Variants in OSBPL10 observed in about 807,000 individuals in gnomAD.
The protein encoded by OSBPL10 is oxysterol-binding protein-related protein 10.
A neutral mutation model predicts 81.7 loss-of-function variants in OSBPL10; 49 were observed. The observed-to-expected ratio is 0.60, with a 90% confidence interval of 0.48 to 0.76. OSBPL10 has a LOEUF of 0.76. Among genes scored for constraint, OSBPL10 ranks in the 30% least tolerant of loss-of-function variants. The probability of loss-of-function intolerance (pLI) is 0.00; values close to 1 mark genes in which losing one functional copy is unlikely to be tolerated. For synonymous variants in OSBPL10, 419 were observed against 383.6 expected, an observed-to-expected ratio of 1.09 and a Z score of -1.08; for missense variants, 923 against 987.8, an observed-to-expected ratio of 0.93 and a Z score of 0.88.
intron 4 of OSBPL10, among the ~76,000 whole-genome samples, chr3:31,752,190 C>T (rs1459540148): frequency 6.6e-6 from 1 of 152,180 alleles, no homozygotes; most frequent in Non-Finnish European, 1.5e-5. Flanking sequence ...CTAGATCTCC[C>T]AGCCTTTAAG....
chr3:31,831,007 C>G (rs572655386), intron 3 of OSBPL10, among the ~76,000 whole-genome samples: 1 of 152,262 alleles, frequency 6.6e-6, no homozygotes, highest in East Asian at 1.9e-4. Flanking sequence ...CTGGATTCAT[C>G]TCTCAGATCA....
chr3:31,874,394 A>G (rs73061442), intron 3 of OSBPL10, among the ~76,000 whole-genome samples: 31,040 of 152,062 alleles, frequency 0.2, 3,352 homozygotes, highest in East Asian at 0.32. Flanking sequence ...GCAAAAACTT[A>G]AATATTCTAC....
intron 2 of OSBPL10, among the ~76,000 whole-genome samples, chr3:32,005,337 A>G (rs1220780539): frequency 6.6e-6 from 1 of 152,104 alleles, no homozygotes; most frequent in Non-Finnish European, 1.5e-5. Context: ...TCTATTCCAT[A>G]GTATTATCCA....
At chr3:31,997,938 C>T (rs532634841) in intron 2 of OSBPL10, among the ~76,000 whole-genome samples, 7 of 152,156 alleles carry the variant, frequency 4.6e-5, no homozygotes, top group Non-Finnish European at 1.0e-4. Flanking sequence ...TACAGGTATG[C>T]ACCACCGTGC....
chr3:31,755,370 T>A (rs1697854157), intron 4 of OSBPL10, among the ~76,000 whole-genome samples: 1 of 152,240 alleles, frequency 6.6e-6, no homozygotes, highest in African/African-American at 2.4e-5. Context: ...GACTGCTTCA[T>A]AAGCAGATCT....
intron 4 of OSBPL10, among the ~76,000 whole-genome samples, chr3:31,760,695 T>C (rs1698007244): frequency 6.6e-6 from 1 of 152,250 alleles, no homozygotes; most frequent in African/African-American, 2.4e-5. Context: ...TTCAACTTTT[T>C]ATGAAAATGG....
intron 6 of OSBPL10, chr3:31,704,921 G>T (rs983319125): frequency 3.9e-5 from 6 of 152,236 alleles, no homozygotes; most frequent in Non-Finnish European, 8.8e-5. Context: ...ACACATAAAT[G>T]TGAAAACAAA....
intron 2 of OSBPL10, among the ~76,000 whole-genome samples, chr3:32,040,018 C>G (rs1699558031): frequency 6.6e-6 from 1 of 152,138 alleles, no homozygotes; most frequent in African/African-American, 2.4e-5. Flanking sequence ...GTTTTAAGGG[C>G]CTGAGACAAA....
intron 3 of OSBPL10, among the ~76,000 whole-genome samples, chr3:31,850,938 C>A (rs1472128920): frequency 1.3e-5 from 2 of 152,270 alleles, no homozygotes. Flanking sequence ...GAACTGCCTC[C>A]ATTAATGTGG....
intron 2 of OSBPL10, among the ~76,000 whole-genome samples, chr3:32,026,274 C>G (rs999068482): frequency 4.6e-5 from 7 of 152,014 alleles, no homozygotes; most frequent in African/African-American, 1.7e-4. Flanking sequence ...GTAGCTAGGA[C>G]TACAGACATG....
chr3:31,670,895 C>T lies in OSBPL10; in HGVS notation c.1815G>A (p.Val605=), dbSNP rs1700306280. ...TGATGCTGACTTTTCCTCCGAGCTC[C>T]ACCCACGGGATGGTGAGAATGGACC... ...YARSILTIPW[V]ELGGKVSINC... Residue 605 remains valine, a synonymous_variant, in exon 9 of 12, where the codon GTG becomes GTA. Transcript: ENST00000396556. 1 of 1,614,012 alleles carries T rather than the reference C, an allele frequency of 6.2e-7. No individual in the cohort carries two copies. The highest frequency in any genetic ancestry group is 1.7e-5 in the Admixed American group (1 of 60,014).
intron 1 of OSBPL10, among the ~76,000 whole-genome samples, chr3:31,965,757 TA>T (rs371048444): frequency 0.085 from 5,287 of 61,964 alleles, 730 homozygotes; most frequent in South Asian, 0.17. Context: ...ATATATATTA[TA>T]TTAAAAGATA....
chr3:31,765,208 G>GT lies in OSBPL10; in HGVS notation c.730-17089dup, dbSNP rs562046627. Reference sequence around the variant, plus strand: ...AATTTTTGTGTTTTGTTTTGTTTTTGTTTTTTTTTTGTAGAGACATGATTT... The same window carrying GT: ...AATTTTTGTGTTTTGTTTTGTTTTTGTTTTTTTTTTTGTAGAGACATGATTT... On this transcript the variant is annotated intron_variant, in intron 4 of 11. Coordinates refer to ENST00000396556, the MANE Select transcript of OSBPL10 (RefSeq NM_017784.5). Among the ~76,000 whole-genome samples, 382 of 145,784 alleles carry GT rather than the reference G, an allele frequency of 2.6e-3. 3 individuals carry two copies. The highest frequency in any genetic ancestry group is 2.9e-3 in the Non-Finnish European group (192 of 65,830).
chr3:31,843,632 C>T (rs1357465998), intron 3 of OSBPL10, among the ~76,000 whole-genome samples: 2 of 152,152 alleles, frequency 1.3e-5, no homozygotes, highest in Admixed American at 1.3e-4. Flanking sequence ...TGTTGGCCCT[C>T]CTTCCTTTGC....
chr3:31,977,643 A>G (rs1448608009), intron 1 of OSBPL10, among the ~76,000 whole-genome samples: 1 of 152,142 alleles, frequency 6.6e-6, no homozygotes, highest in African/African-American at 2.4e-5. Flanking sequence ...TCACACTTAA[A>G]ATTATTCCTG....
intron 6 of OSBPL10, among the ~76,000 whole-genome samples, 161 bp from the exon 7 acceptor site, chr3:31,702,669 C>T (rs1695936450): frequency 6.6e-6 from 1 of 152,188 alleles, no homozygotes; most frequent in Non-Finnish European, 1.5e-5. Context: ...AGACAAGTCC[C>T]CTGGGGGTCG....
At chr3:31,757,027 A>C (rs1559451320) in intron 4 of OSBPL10, among the ~76,000 whole-genome samples, 1 of 152,182 alleles carries the variant, frequency 6.6e-6, no homozygotes, top group Admixed American at 6.5e-5. Context: ...CTTAAAACAA[A>C]GTTGGTGTCT....
intron 8 of OSBPL10, among the ~76,000 whole-genome samples, chr3:31,676,372 T>G (rs1370235206): frequency 6.6e-6 from 1 of 151,706 alleles, no homozygotes; most frequent in East Asian, 1.9e-4. Context: ...ACTTCTTCAT[T>G]TGGCCTAACA....
rs561070808 is a variant in OSBPL10, at chr3:31,846,129, C to G, written c.538-15898G>C. ...CCAGGCTCAAGCAATCCTCCTGCCTCAGCCTCCCGCGTGGCGGGGACAACA... is the reference window on the plus strand; with the variant it reads ...CCAGGCTCAAGCAATCCTCCTGCCTGAGCCTCCCGCGTGGCGGGGACAACA... On this transcript the variant is annotated intron_variant, in intron 3 of 11. Coordinates refer to ENST00000396556, the MANE Select transcript of OSBPL10 (RefSeq NM_017784.5). 5.0e-3 allele frequency among the ~76,000 whole-genome samples: 766 copies of G among 152,334 alleles called. 5 individuals carry two copies. The highest frequency in any genetic ancestry group is 8.1e-3 in the Non-Finnish European group (552 of 68,024).
Sources: allele counts gnomAD v4.1 joint callset (sites outside exome capture counted in the v4.1 genomes callset), GRCh38; gene constraint gnomAD v4.1.1; transcripts MANE v1.5; gene names NCBI Gene and HGNC (gene_info 2026-07-23, HGNC 2026-07-21).